C2CD2: variants seen among roughly 807,000 people sequenced by gnomAD.
C2CD2 encodes C2 domain-containing protein 2.
A neutral mutation model predicts 74.3 loss-of-function variants in C2CD2; 43 were observed. That is an observed-to-expected ratio of 0.58 (90% CI 0.45 to 0.75). The LOEUF is 0.75. Ranked by LOEUF, C2CD2 falls within the 30% of genes least tolerant of loss-of-function variation. The probability of loss-of-function intolerance (pLI) is 0.00; values close to 1 mark genes in which losing one functional copy is unlikely to be tolerated. For missense variants in C2CD2, 801 were observed against 916.3 expected, an observed-to-expected ratio of 0.87 and a Z score of 1.63; for synonymous variants, 422 against 390.7, an observed-to-expected ratio of 1.08 and a Z score of -0.94.
At chr21:41,936,240 A>T (rs542079895) in intron 2 of C2CD2, among the ~76,000 whole-genome samples, 1 of 152,352 alleles carries the variant, frequency 6.6e-6, no homozygotes, top group South Asian at 2.1e-4. Context: ...AAACAACTCA[A>T]GTAACTCAAC....
chr21:41,930,626 C>T (rs1428453705), intron 2 of C2CD2, among the ~76,000 whole-genome samples: 1 of 149,210 alleles, frequency 6.7e-6, no homozygotes, highest in African/African-American at 2.4e-5. Flanking sequence ...CACTTGAACC[C>T]GGCAGGCGGA....
rs2064669794 is a variant in C2CD2 at position 41,885,154 on chromosome 21, T to C, written c.*3970A>G. 1 of 152,274 alleles carries C rather than the reference T, an allele frequency of 6.6e-6. No homozygotes were observed. Among genetic ancestry groups the C allele is most frequent in the Non-Finnish European group, 1.5e-5 (1 of 68,060 alleles). 9.4% of individuals were successfully genotyped at this position (152,274 alleles called of 1,614,324 possible). ...ATTTATTTCTTTCAAAGATTGTTTG[T>C]GTTCCAGCCACATCTTCTCCAAAGG... On this transcript the variant is annotated 3_prime_UTR_variant, in exon 14 of 14. Transcript: ENST00000380486.
At chr21:41,946,677 A>G (rs2065400274) in intron 1 of C2CD2, among the ~76,000 whole-genome samples, 1 of 152,148 alleles carries the variant, frequency 6.6e-6, no homozygotes, top group African/African-American at 2.4e-5. Context: ...AGGGACTAAT[A>G]CAGGAGGAGA....
At chr21:41,937,132 T>C (rs2065315582) in intron 2 of C2CD2, among the ~76,000 whole-genome samples, 1 of 148,956 alleles carries the variant, frequency 6.7e-6, no homozygotes, top group African/African-American at 2.5e-5. Flanking sequence ...TTTTTTCTTT[T>C]TTTGAGACGG....
intron 10 of C2CD2, among the ~76,000 whole-genome samples, 189 bp downstream of exon 10, chr21:41,906,803 G>C (rs1263564585): frequency 6.6e-6 from 1 of 152,216 alleles, no homozygotes; most frequent in East Asian, 1.9e-4. Context: ...TGGCAGAAGA[G>C]AAAGATAACT....
At chr21:41,906,932 A>G (rs1247639347) in intron 10 of C2CD2, 60 bp downstream of exon 10, 1 of 1,345,878 alleles carries the variant, frequency 7.4e-7, no homozygotes, top group Non-Finnish European at 1.1e-6. Flanking sequence ...TTGTGGGGGC[A>G]AGGTGGTTAC....
chr21:41,905,464 T>C (rs1246889106), intron 11 of C2CD2, among the ~76,000 whole-genome samples: 1 of 152,140 alleles, frequency 6.6e-6, no homozygotes, highest in Non-Finnish European at 1.5e-5. Context: ...ATTACTGGCA[T>C]GCGCCACCAC....
Position 41,926,562 on chromosome 21 carries a change from A to T in C2CD2, c.379-4477T>A. ...CAGCCTCAACACCTTGACCTCATGT[A>T]GTCACATACCTATGCAAACAGCGCT... On this transcript the variant is annotated intron_variant, in intron 2 of 13. Coordinates refer to ENST00000380486, the MANE Select transcript of C2CD2 (RefSeq NM_015500.2). The surrounding 1 kb of genome is among the most constrained non-coding windows in gnomAD (Gnocchi z 8.0). 2 of 881,162 alleles carry T rather than the reference A, an allele frequency of 2.3e-6. No homozygotes were observed. Among genetic ancestry groups the T allele is most frequent in the South Asian group, 5.2e-5 (1 of 19,216 alleles). The allele number at this position is 881,162 out of a possible 1,614,324, so 54.6% of individuals were successfully genotyped here. A position where few individuals can be genotyped will look rare whatever the true frequency, so the allele number is the denominator to read the frequency against.
chr21:41,891,993 C>G (rs2064760891), intron 13 of C2CD2, among the ~76,000 whole-genome samples: 2 of 152,098 alleles, frequency 1.3e-5, no homozygotes, highest in African/African-American at 4.8e-5. Context: ...CCACCCCCAC[C>G]CAAATTCATA....
chr21:41,935,710 G>T (rs932440074), intron 2 of C2CD2, among the ~76,000 whole-genome samples: 3 of 152,062 alleles, frequency 2.0e-5, no homozygotes, highest in African/African-American at 7.2e-5. Context: ...AAATTCACAG[G>T]GCGTGGTGGT....
intron 2 of C2CD2, among the ~76,000 whole-genome samples, chr21:41,940,882 T>G (rs970833597): frequency 2.0e-5 from 3 of 152,228 alleles, no homozygotes; most frequent in African/African-American, 7.2e-5. Flanking sequence ...TATTTCTCCA[T>G]GTGGAGCTGG....
intron 1 of C2CD2, among the ~76,000 whole-genome samples, chr21:41,943,724 C>T (rs1397205457): frequency 5.3e-5 from 8 of 152,228 alleles, no homozygotes; most frequent in Admixed American, 5.2e-4. Flanking sequence ...GTGGCTATTT[C>T]TCAAGAATGC....
intron 13 of C2CD2, among the ~76,000 whole-genome samples, chr21:41,896,935 G>A (rs1310043573): frequency 6.6e-6 from 1 of 152,196 alleles, no homozygotes; most frequent in Non-Finnish European, 1.5e-5. Context: ...TCAAAAACCT[G>A]GGGTCAATGA....
rs1243238596 is a variant in C2CD2, at chr21:41,887,016, A to C, written c.*2108T>G. ...AAAAAAAAACTTCTGATATCCTTGCACTTGAATAGAGTGCACCTGAATTCC... is the reference window on the plus strand; with the variant it reads ...AAAAAAAAACTTCTGATATCCTTGCCCTTGAATAGAGTGCACCTGAATTCC... On this transcript the variant is annotated 3_prime_UTR_variant, in exon 14 of 14. Transcript: ENST00000380486. 2 of 152,216 alleles carry C rather than the reference A, an allele frequency of 1.3e-5. No individual in the cohort carries two copies. The highest frequency in any genetic ancestry group is 4.8e-5 in the African/African-American group (2 of 41,458). 9.4% of individuals were successfully genotyped at this position (152,216 alleles called of 1,614,324 possible).
rs1447095827 is a variant in C2CD2, at chr21:41,924,926, C to T, written c.379-2841G>A. On this transcript the variant is annotated intron_variant, in intron 2 of 13. Transcript: ENST00000380486. This position sits in a 1 kb window ranked among gnomAD's most constrained non-coding sequence, Gnocchi z 4.4. ...AACCAAGCACTTGATTAAAAGCAAG[C>T]AAATAAATAAGTAAATAGATAAAAA... 6.6e-6 allele frequency among the ~76,000 whole-genome samples: 1 copy of T among 152,096 alleles called. No homozygotes were observed. The highest frequency in any genetic ancestry group is 2.4e-5 in the African/African-American group (1 of 41,412).
chr21:41,894,276 G>T (rs2064794402), intron 13 of C2CD2, among the ~76,000 whole-genome samples: 1 of 152,278 alleles, frequency 6.6e-6, no homozygotes, highest in South Asian at 2.1e-4. Context: ...CATTTTTAGG[G>T]TTGCTTTTGG....
At chr21:41,902,050 T>C (rs1361635076) in intron 11 of C2CD2, among the ~76,000 whole-genome samples, 1 of 152,040 alleles carries the variant, frequency 6.6e-6, no homozygotes, top group Non-Finnish European at 1.5e-5. Context: ...TAGTTTGCTG[T>C]TTGCTGACCC....
chr21:41,916,536 G>A (rs1018695966), intron 5 of C2CD2, among the ~76,000 whole-genome samples: 1 of 152,000 alleles, frequency 6.6e-6, no homozygotes, highest in Non-Finnish European at 1.5e-5. Context: ...TGGAATGTAC[G>A]TCACGGGCTC....
At position 41,939,781 on chromosome 21, in the gene C2CD2, G is replaced by T. The variant is rs1266780491; in HGVS notation, c.378+2366C>A. 6.6e-6 allele frequency among the ~76,000 whole-genome samples: 1 copy of T among 152,234 alleles called. No homozygotes were observed. Among genetic ancestry groups the T allele is most frequent in the African/African-American group, 2.4e-5 (1 of 41,452 alleles). On this transcript the variant is annotated intron_variant, in intron 2 of 13. Transcript: ENST00000380486. The surrounding 1 kb of genome is among the most constrained non-coding windows in gnomAD (Gnocchi z 5.5). ...GCAGGAAGGAGAGCTCTCCTATGCTGCTGGGGCAGAGAAAACCGGGAACAG... is the reference window on the plus strand; with the variant it reads ...GCAGGAAGGAGAGCTCTCCTATGCTTCTGGGGCAGAGAAAACCGGGAACAG...
Sources: allele counts gnomAD v4.1 joint callset (sites outside exome capture counted in the v4.1 genomes callset), GRCh38; gene constraint gnomAD v4.1.1; non-coding constraint Gnocchi (gnomAD v3.1); transcripts MANE v1.5; gene names NCBI Gene and HGNC (gene_info 2026-07-23, HGNC 2026-07-21).